The following CASKIN2 variants were observed in gnomAD, a reference collection of about 807,000 sequenced individuals.
CASKIN2 encodes CASK interacting protein 2.
CASKIN2 carries 41 observed loss-of-function variants against 107.1 expected under a neutral mutation model. That is an observed-to-expected ratio of 0.38 (90% CI 0.30 to 0.50). The LOEUF (loss-of-function observed/expected upper bound fraction) is 0.50, where lower values mean the gene tolerates loss of function less well. Among genes scored for constraint, CASKIN2 ranks in the 20% least tolerant of loss-of-function variants. The pLI is 0.92. For missense variants in CASKIN2, 1,546 were observed against 1,657.4 expected (o/e 0.93, Z 1.17); for synonymous variants, 724 against 705.6 (o/e 1.03, Z -0.41).
rs369032174 is a variant in CASKIN2, at chr17:75,513,754, G to A, written c.51C>T (p.Thr17=). 104 of 1,611,826 alleles carry A rather than the reference G, an allele frequency of 6.5e-5. No individual in the cohort carries two copies. Among genetic ancestry groups the A allele is most frequent in the East Asian group, 3.6e-4 (16 of 44,766 alleles). The change falls in exon 2 of 20, where the codon ACC becomes ACT. Residue 17 remains threonine, a synonymous_variant. Coordinates refer to ENST00000321617, the MANE Select transcript of CASKIN2 (RefSeq NM_020753.5). ...CCTTCGCCACCAGTTTCTGCACACC[G>A]GTCACATCTCCATTCTTGACGGCGA... The part of the protein sequence containing the change: ...LILAVKNGDV[T]GVQKLVAKVK...
chr17:75,502,819 G>A lies in CASKIN2; in HGVS notation c.2255C>T (p.Pro752Leu). Residue 752 changes from proline to leucine, a missense_variant, in exon 18 of 20, where the codon CCA becomes CTA. Physicochemically the swap from Pro to Leu is moderately conservative, Grantham distance 98 (BLOSUM62 -3). This residue lies in a region of CASKIN2 where 1,311 missense variants were observed against 1,311.0 expected (regional missense o/e 1.00). Coordinates refer to ENST00000321617, the MANE Select transcript of CASKIN2 (RefSeq NM_020753.5). The surrounding 1 kb of genome is among the most constrained non-coding windows in gnomAD (Gnocchi z 4.3). Reference sequence around the variant, plus strand: ...CTGGGGGTACATAAAAACATAGGGTGGGGGTCCTTGGCCAGGAAGTGAAGA... The same window carrying A: ...CTGGGGGTACATAAAAACATAGGGTAGGGGTCCTTGGCCAGGAAGTGAAGA... ...LCSSLPGQGP[P>L]PYVFMYPQGS... 1 of 1,562,744 alleles carries A rather than the reference G, an allele frequency of 6.4e-7. No homozygotes were observed. The highest frequency in any genetic ancestry group is 1.7e-4 in the Middle Eastern group (1 of 5,810).
At chr17:75,509,203 G>C (rs2053296389) in intron 2 of CASKIN2, among the ~76,000 whole-genome samples, 1 of 152,246 alleles carries the variant, frequency 6.6e-6, no homozygotes, top group African/African-American at 2.4e-5. Context: ...GAGAGCCAGG[G>C]AACTGGTGGG....
rs923141558 is a variant in CASKIN2, at chr17:75,506,137, CG to C, written c.726+167del. Among the ~76,000 whole-genome samples the C allele has an allele frequency of 1.3e-5, 2 of 152,168 alleles. No individual in the cohort carries two copies. Among genetic ancestry groups the C allele is most frequent in the Non-Finnish European group, 1.5e-5 (1 of 68,036 alleles). The stretch of plus-strand genomic sequence containing the variant: ...GGTGCCAATCAGGTTGGTCTGCCCC[CG>C]ATCCATCTGCACCGCCTCGGCACCA... On this transcript the variant is annotated intron_variant, in intron 8 of 19. Coordinates refer to ENST00000321617, the MANE Select transcript of CASKIN2 (RefSeq NM_020753.5). This position sits in a 1 kb window ranked among gnomAD's most constrained non-coding sequence, Gnocchi z 4.8.
Position 75,502,165 on chromosome 17 carries a change from G to T in CASKIN2, c.2909C>A (p.Pro970Gln). The T allele has an allele frequency of 1.2e-6, 2 of 1,600,868 alleles. No homozygotes were observed. Among genetic ancestry groups the T allele is most frequent in the Non-Finnish European group, 1.7e-6 (2 of 1,179,344 alleles). ...GGGGGGCACGGGTGTCTCTCGGGGCGGGGGGCCAGCGGGCTTCGGGCGCTG... is the reference window on the plus strand; with the variant it reads ...GGGGGGCACGGGTGTCTCTCGGGGCTGGGGGCCAGCGGGCTTCGGGCGCTG... Reference protein sequence around the residue: ...IKQRPKPAGPPPRETPVPPGL... With the variant: ...IKQRPKPAGPQPRETPVPPGL... Residue 970 changes from proline to glutamine, a missense_variant, in exon 18 of 20, where the codon CCG becomes CAG. Physicochemically the swap from Pro to Gln is moderately conservative, Grantham distance 76. Transcript: ENST00000321617. This position sits in a 1 kb window ranked among gnomAD's most constrained non-coding sequence, Gnocchi z 4.3.
chr17:75,507,888 C>G (rs1294312079), intron 3 of CASKIN2: 4 of 580,478 alleles, frequency 6.9e-6, no homozygotes, highest in Admixed American at 3.0e-5. Flanking sequence ...TTTGTCTCGC[C>G]CCCCCGCCTC....
At position 75,501,172 on chromosome 17, in the gene CASKIN2, TGCA is replaced by T. The variant is rs2053175881; in HGVS notation, c.3519-5_3519-3del. 1 of 1,582,116 alleles carries T rather than the reference TGCA, an allele frequency of 6.3e-7. No individual in the cohort carries two copies. Among genetic ancestry groups the T allele is most frequent in the Admixed American group, 1.8e-5 (1 of 54,862 alleles). On this transcript the variant is annotated splice_region_variant and splice_polypyrimidine_tract_variant and intron_variant, in intron 19 of 19. Coordinates refer to ENST00000321617, the MANE Select transcript of CASKIN2 (RefSeq NM_020753.5). ...TGCTTGGTGGAGGCGCTGGGGGTGCTGCAGCAAGGGGAAGGATGCGGTCAGATC... is the reference window on the plus strand; with the variant it reads ...TGCTTGGTGGAGGCGCTGGGGGTGCTGCAAGGGGAAGGATGCGGTCAGATC...
Position 75,502,087 on chromosome 17 carries a change from C to T in CASKIN2, c.2987G>A (p.Cys996Tyr). 6.2e-7 allele frequency: 1 copy of T among 1,610,690 alleles called. No homozygotes were observed. The highest frequency in any genetic ancestry group is 8.5e-7 in the Non-Finnish European group (1 of 1,179,906). The change falls in exon 18 of 20, where the codon TGC becomes TAC. Residue 996 changes from cysteine to tyrosine, a missense_variant. Around this residue, in one of 6 missense-constraint regions of CASKIN2, gnomAD observed 1,311 missense variants for 1,311.0 expected, o/e 1.00. Transcript: ENST00000321617. The surrounding 1 kb of genome is among the most constrained non-coding windows in gnomAD (Gnocchi z 4.3). ...ESDTVKRRPK[C>Y]REREPLQTAL... ...GGTCTGCAGTGGCTCTCTCTCCCGG[C>T]ACTTGGGCCTCCGCTTAACAGTGTC...
At chr17:75,508,615 G>C (rs1285069525) in intron 2 of CASKIN2, among the ~76,000 whole-genome samples, 1 of 152,228 alleles carries the variant, frequency 6.6e-6, no homozygotes, top group East Asian at 1.9e-4. Flanking sequence ...TAGCATTCCT[G>C]CCTGAATGGG....
rs199639874 is a variant in CASKIN2 at position 75,504,414 on chromosome 17, T to C, written c.1375+6A>G. ...TAGCCAACCCAGGTCCCCTGACCCT[T>C]CCTACCTGCCAGGGACGGCGGGTGG... On this transcript the variant is annotated splice_donor_region_variant and intron_variant, in intron 13 of 19. Coordinates refer to ENST00000321617, the MANE Select transcript of CASKIN2 (RefSeq NM_020753.5). 9.0e-5 allele frequency: 145 copies of C among 1,606,234 alleles called. No homozygotes were observed. Among genetic ancestry groups the C allele is most frequent in the Non-Finnish European group, 8.5e-6 (10 of 1,174,652 alleles).
Position 75,505,885 on chromosome 17 carries a change from C to T in CASKIN2, c.771G>A (p.Ala257=), listed in dbSNP as rs369229853. 14 of 1,613,486 alleles carry T rather than the reference C, an allele frequency of 8.7e-6. No individual in the cohort carries two copies. Among genetic ancestry groups the T allele is most frequent in the African/African-American group, 5.3e-5 (4 of 74,892 alleles). Residue 257 remains alanine, a synonymous_variant, in exon 9 of 20, where the codon GCG becomes GCA. Coordinates refer to ENST00000321617, the MANE Select transcript of CASKIN2 (RefSeq NM_020753.5). The surrounding 1 kb of genome is among the most constrained non-coding windows in gnomAD (Gnocchi z 5.1). ...VNIRNTYNQT[A]LDIVNQFTTS... ...TGGTGAACTGATTCACTATGTCCAG[C>T]GCCGTCTGGTTATACGTATTCCGGA...
In CASKIN2 at chr17:75,506,737, G is replaced by A. The variant is rs1046091174; in HGVS notation, c.487-24C>T. On this transcript the variant is annotated intron_variant, in intron 6 of 19. Transcript: ENST00000321617. The surrounding 1 kb of genome is among the most constrained non-coding windows in gnomAD (Gnocchi z 4.8). ...ACCTGCAGCACCCAGTGCCCAGTTAGAGCCTCCTCCTGAGACCCTGTAGAT... is the reference window on the plus strand; with the variant it reads ...ACCTGCAGCACCCAGTGCCCAGTTAAAGCCTCCTCCTGAGACCCTGTAGAT... The A allele has an allele frequency of 1.9e-6, 3 of 1,613,668 alleles. No homozygotes were observed. The highest frequency in any genetic ancestry group is 1.7e-6 in the Non-Finnish European group (2 of 1,179,986).
rs981681778 is a variant in CASKIN2, at chr17:75,505,966, C to A, written c.727-37G>T. On this transcript the variant is annotated intron_variant, in intron 8 of 19. Transcript: ENST00000321617. The surrounding 1 kb of genome is among the most constrained non-coding windows in gnomAD (Gnocchi z 5.1). ...GTGTCACATGAGCACACGCTAAGCA[C>A]TTTGACACCCCTCACCCGATTCTCT... 2.6e-6 allele frequency: 4 copies of A among 1,556,098 alleles called. No homozygotes were observed. The highest frequency in any genetic ancestry group is 2.7e-6 in the Non-Finnish European group (3 of 1,131,094).
rs1410335181 is a variant in CASKIN2, at chr17:75,502,956, C to T, written c.2118G>A (p.Arg706=). The change falls in exon 18 of 20, where the codon CGG becomes CGA. Residue 706 remains arginine, a synonymous_variant. Coordinates refer to ENST00000321617, the MANE Select transcript of CASKIN2 (RefSeq NM_020753.5). The surrounding 1 kb of genome is among the most constrained non-coding windows in gnomAD (Gnocchi z 4.3). ...GCTGTTCCTGTGAGTGGCCAGACCCCCGTGAGCGTGCCCCGATGCTCTCCT... is the reference window on the plus strand; with the variant it reads ...GCTGTTCCTGTGAGTGGCCAGACCCTCGTGAGCGTGCCCCGATGCTCTCCT... ...PSQESIGARS[R]GSGHSQEQPA... 6.3e-7 allele frequency: 1 copy of T among 1,588,686 alleles called. No individual in the cohort carries two copies. The highest frequency in any genetic ancestry group is 8.6e-7 in the Non-Finnish European group (1 of 1,166,718).
intron 2 of CASKIN2, chr17:75,509,669 G>T: frequency 4.1e-6 from 4 of 984,390 alleles, no homozygotes; most frequent in Non-Finnish European, 4.8e-6. Flanking sequence ...TCTAGAAGCG[G>T]AAGTGCACAG....
chr17:75,506,917 A>AG lies in CASKIN2; in HGVS notation c.391-24dup. 2 of 1,611,002 alleles carry AG rather than the reference A, an allele frequency of 1.2e-6. No homozygotes were observed. The highest frequency in any genetic ancestry group is 1.7e-6 in the Non-Finnish European group (2 of 1,178,590). The stretch of plus-strand genomic sequence containing the variant: ...TGACTGGGGTTGGGGGAGCCGAGTG[A>AG]GGGGGCCTGGCCTGTCCGGCACCCC... On this transcript the variant is annotated intron_variant, in intron 5 of 19. Coordinates refer to ENST00000321617, the MANE Select transcript of CASKIN2 (RefSeq NM_020753.5). This position sits in a 1 kb window ranked among gnomAD's most constrained non-coding sequence, Gnocchi z 4.8.
chr17:75,512,682 T>C (rs1474361862), intron 2 of CASKIN2, among the ~76,000 whole-genome samples: 1 of 152,000 alleles, frequency 6.6e-6, no homozygotes, highest in Non-Finnish European at 1.5e-5. Flanking sequence ...CTGAAGCGGG[T>C]GGATCACCTG....
chr17:75,501,272 G>A, intron 19 of CASKIN2, 102 bp from the exon 20 acceptor site: 1 of 1,267,756 alleles, frequency 7.9e-7, no homozygotes, highest in Admixed American at 2.4e-5. Context: ...AGGGAGGCAA[G>A]GGACCGGCCA....
chr17:75,508,081 A>G (rs1420356154), intron 3 of CASKIN2, among the ~76,000 whole-genome samples, 153 bp downstream of exon 3: 4 of 152,016 alleles, frequency 2.6e-5, no homozygotes. Flanking sequence ...CAGCCCAGGG[A>G]CAGGGCCCAC....
rs766167432 is a variant in CASKIN2 at position 75,506,288 on chromosome 17, C to T, written c.726+17G>A. On this transcript the variant is annotated intron_variant, in intron 8 of 19. Transcript: ENST00000321617. The surrounding 1 kb of genome is among the most constrained non-coding windows in gnomAD (Gnocchi z 4.8). ...GGCTCCATGGACACCTGCGAGGGAGCAGGGGCCCATACCCACCTCCAGAAG... is the reference window on the plus strand; with the variant it reads ...GGCTCCATGGACACCTGCGAGGGAGTAGGGGCCCATACCCACCTCCAGAAG... 1.4e-5 allele frequency: 23 copies of T among 1,592,472 alleles called. No individual in the cohort carries two copies. In the South Asian group the frequency reaches 1.7e-4, roughly 11 times the overall value.
Sources: gnomAD v4.1 joint callset for allele counts (sites outside exome capture counted in the v4.1 genomes callset) on GRCh38, gnomAD v4.1.1 for gene constraint, gnomAD v4.1.1 regional missense constraint, Gnocchi (gnomAD v3.1) non-coding constraint, MANE v1.5 for transcripts, NCBI Gene and HGNC (gene_info 2026-07-23, HGNC 2026-07-21) for gene names.